Variants in ARHGAP26 observed in about 807,000 individuals in gnomAD.
ARHGAP26 encodes rho GTPase-activating protein 26.
In ARHGAP26, 38 loss-of-function variants were observed where a neutral mutation model predicts 104.8. The observed-to-expected ratio is 0.36, with a 90% CI of 0.28 to 0.48. ARHGAP26 has a LOEUF of 0.48. Among genes scored for constraint, ARHGAP26 ranks in the 20% least tolerant of loss-of-function variants. The pLI is 0.99. For synonymous variants in ARHGAP26, 341 were observed against 340.0 expected (o/e 1.00, Z -0.03); for missense variants, 704 against 947.9 (o/e 0.74, Z 3.38).
rs549508615 is a variant in ARHGAP26 at position 143,043,886 on chromosome 5, A to G, written c.1285+1996A>G. On this transcript the variant is annotated intron_variant, in intron 14 of 22. Transcript: ENST00000645722. Reference sequence around the variant, plus strand: ...GTGTAGTGAAGGAGAGAGTAGAAGAATAATTCCAATTCATGAAGTATTCTG... The same window carrying G: ...GTGTAGTGAAGGAGAGAGTAGAAGAGTAATTCCAATTCATGAAGTATTCTG... Among the ~76,000 whole-genome samples, 8 of 152,332 alleles carry G rather than the reference A, an allele frequency of 5.3e-5. No individual in the cohort carries two copies. The South Asian group carries it at 1.7e-3, about 32-fold the overall frequency.
At chr5:143,082,888 C>T (rs1195132193) in intron 17 of ARHGAP26, among the ~76,000 whole-genome samples, 4 of 152,132 alleles carry the variant, frequency 2.6e-5, no homozygotes, top group African/African-American at 7.2e-5. Flanking sequence ...CAGAACGTCA[C>T]GGGTTTTTGA....
intron 11 of ARHGAP26, among the ~76,000 whole-genome samples, chr5:142,989,039 A>C (rs1271057495): frequency 2.6e-5 from 4 of 152,004 alleles, no homozygotes; most frequent in African/African-American, 9.7e-5. Context: ...CAATTCCTGG[A>C]TATCCTTTTT....
At position 143,093,277 on chromosome 5, in the gene ARHGAP26, G is replaced by C. The variant is rs1440720720; in HGVS notation, c.1539-27711G>C. ...AAGCAGTTGCCGCTACAGGTTGAAT[G>C]CATTTGGGCCATCTGCGGGTTACTA... On this transcript the variant is annotated intron_variant, in intron 17 of 22. Coordinates refer to ENST00000645722, the MANE Select transcript of ARHGAP26 (RefSeq NM_001135608.3). 3.9e-5 allele frequency among the ~76,000 whole-genome samples: 6 copies of C among 152,144 alleles called. No individual in the cohort carries two copies. In the East Asian group the frequency reaches 9.7e-4, roughly 25 times the overall value.
intron 13 of ARHGAP26, among the ~76,000 whole-genome samples, chr5:143,037,911 G>C (rs1254880972): frequency 6.6e-6 from 1 of 152,186 alleles, no homozygotes; most frequent in African/African-American, 2.4e-5. Context: ...AGAGAAAAGG[G>C]GTCAGGCCCA....
intron 19 of ARHGAP26, among the ~76,000 whole-genome samples, chr5:143,141,941 T>A (rs1798587725): frequency 6.6e-6 from 1 of 152,056 alleles, no homozygotes; most frequent in Non-Finnish European, 1.5e-5. Flanking sequence ...ACTTCCCCAT[T>A]CTCTCATGAA....
intron 20 of ARHGAP26, chr5:143,202,510 T>C (rs1304320263): frequency 6.6e-6 from 1 of 152,120 alleles, no homozygotes; most frequent in East Asian, 1.9e-4. Context: ...CCCAAAGTAA[T>C]TGATAGATTC....
At chr5:143,116,795 GA>G (rs1194696478) in intron 17 of ARHGAP26, among the ~76,000 whole-genome samples, 1 of 152,176 alleles carries the variant, frequency 6.6e-6, no homozygotes, top group African/African-American at 2.4e-5. Flanking sequence ...CATTTTCATG[GA>G]ACATGCTCTT....
intron 1 of ARHGAP26, among the ~76,000 whole-genome samples, chr5:142,809,181 T>G (rs1763601623): frequency 6.6e-6 from 1 of 152,238 alleles, no homozygotes; most frequent in Admixed American, 6.5e-5. Flanking sequence ...TCAGTGTCTT[T>G]TTTGAATGGT....
At chr5:143,198,347 T>A (rs141946058) in intron 20 of ARHGAP26, among the ~76,000 whole-genome samples, 78 of 152,354 alleles carry the variant, frequency 5.1e-4, no homozygotes, top group African/African-American at 1.7e-3. Flanking sequence ...TACAAATAAA[T>A]TCACATATTG....
rs576787193 is a variant in ARHGAP26 at position 143,082,976 on chromosome 5, C to G, written c.1538+25229C>G. Among the ~76,000 whole-genome samples, 15 of 152,268 alleles carry G rather than the reference C, an allele frequency of 9.9e-5. 1 individual carries two copies. The Middle Eastern group carries it at 0.01, about 104-fold the overall frequency. On this transcript the variant is annotated intron_variant, in intron 17 of 22. Coordinates refer to ENST00000645722, the MANE Select transcript of ARHGAP26 (RefSeq NM_001135608.3). ...ATAGCTAAATATCATATTCTTTAAG[C>G]AAAGATTGTCACTGTAGAGTGACAT... is the stretch of plus-strand genomic sequence containing the variant.
At chr5:143,154,998 T>C (rs1800303328) in intron 20 of ARHGAP26, among the ~76,000 whole-genome samples, 1 of 152,220 alleles carries the variant, frequency 6.6e-6, no homozygotes, top group African/African-American at 2.4e-5. Context: ...AGTTTTCCTC[T>C]GTGGCTGGAT....
At chr5:143,208,185 G>C (rs995066182) in intron 21 of ARHGAP26, among the ~76,000 whole-genome samples, 2 of 144,496 alleles carry the variant, frequency 1.4e-5, no homozygotes, top group Non-Finnish European at 3.0e-5. Flanking sequence ...GTGCTCTTTG[G>C]GAAAAAAAAA....
intron 17 of ARHGAP26, among the ~76,000 whole-genome samples, chr5:143,071,679 G>A (rs962802767): frequency 7.9e-5 from 12 of 151,868 alleles, no homozygotes; most frequent in African/African-American, 2.4e-4. Context: ...AGGCTGAGGC[G>A]GGCAGATTGC....
intron 11 of ARHGAP26, among the ~76,000 whole-genome samples, chr5:142,966,269 C>T (rs1471783494): frequency 6.6e-6 from 1 of 152,172 alleles, no homozygotes; most frequent in Non-Finnish European, 1.5e-5. Context: ...GTATGGATGA[C>T]TTTTGGCCTA....
chr5:142,854,867 A>G (rs1752089618), intron 1 of ARHGAP26, among the ~76,000 whole-genome samples: 1 of 152,110 alleles, frequency 6.6e-6, no homozygotes, highest in Non-Finnish European at 1.5e-5. Context: ...TTTTTGTTTC[A>G]TTGCAAACTG....
At chr5:143,018,691 G>A (rs116538943) in intron 12 of ARHGAP26, among the ~76,000 whole-genome samples, 3,728 of 152,182 alleles carry the variant, frequency 0.024, 62 homozygotes, top group Middle Eastern at 0.051. Flanking sequence ...CAGGTTTTTT[G>A]TGTAGCTGTT....
intron 1 of ARHGAP26, among the ~76,000 whole-genome samples, chr5:142,807,566 T>C (rs1763219359): frequency 1.3e-5 from 2 of 152,216 alleles, no homozygotes; most frequent in East Asian, 1.9e-4. Context: ...CAGCACACTT[T>C]ATTGCTGCCC....
chr5:143,201,546 T>G (rs1380752099), intron 20 of ARHGAP26, among the ~76,000 whole-genome samples: 2 of 152,140 alleles, frequency 1.3e-5, no homozygotes, highest in East Asian at 3.8e-4. Flanking sequence ...ATTTATGTAT[T>G]TATTTTTGTC....
chr5:143,120,881 T>C (rs1796048731), intron 17 of ARHGAP26, 107 bp from the exon 18 acceptor site: 3 of 1,145,248 alleles, frequency 2.6e-6, no homozygotes, highest in Non-Finnish European at 3.6e-6. Flanking sequence ...TTCTGGCTCC[T>C]ACAGATGAGG....
Sources: gnomAD v4.1 joint callset for allele counts (sites outside exome capture counted in the v4.1 genomes callset) on GRCh38, gnomAD v4.1.1 for gene constraint, MANE v1.5 for transcripts, NCBI Gene and HGNC (gene_info 2026-07-23, HGNC 2026-07-21) for gene names.